Variants in CSMD1 observed in about 807,000 individuals in gnomAD.
CSMD1 encodes the protein CUB and sushi domain-containing protein 1.
Under a neutral mutation model 417.5 loss-of-function variants are expected in CSMD1, and 213 were observed. The observed-to-expected ratio is 0.51, with a 90% CI of 0.46 to 0.57. The LOEUF is 0.57. Ranked by LOEUF, CSMD1 falls within the 20% of genes least tolerant of loss-of-function variation. The pLI is 0.00. For synonymous variants in CSMD1, 2,862 were observed against 1,736.8 expected, an observed-to-expected ratio of 1.65 and a Z score of -16.11; for missense variants, 6,923 against 4,529.7, an observed-to-expected ratio of 1.53 and a Z score of -15.17.
intron 25 of CSMD1, among the ~76,000 whole-genome samples, chr8:3,286,562 T>A (rs1803175210): frequency 6.6e-6 from 1 of 152,188 alleles, no homozygotes; most frequent in Non-Finnish European, 1.5e-5. Flanking sequence ...TTGATTTGCA[T>A]TTCTCTGATG....
intron 5 of CSMD1, among the ~76,000 whole-genome samples, chr8:3,763,471 G>A (rs879574796): frequency 2.0e-5 from 3 of 151,950 alleles, no homozygotes. Flanking sequence ...CCTCTCCTTT[G>A]CTCCCCTTCT....
intron 3 of CSMD1, among the ~76,000 whole-genome samples, chr8:4,231,476 G>T (rs1337716225): frequency 6.6e-6 from 1 of 152,132 alleles, no homozygotes; most frequent in African/African-American, 2.4e-5. Context: ...CTCTCTCAGG[G>T]CCAGCTCTCT....
At chr8:4,291,581 C>A (rs138917215) in intron 3 of CSMD1, among the ~76,000 whole-genome samples, 7 of 151,984 alleles carry the variant, frequency 4.6e-5, no homozygotes, top group Non-Finnish European at 2.9e-5. Flanking sequence ...AAAGCTGAAG[C>A]GTAATATTTA....
chr8:4,909,940 G>A (rs1805552504), intron 1 of CSMD1, among the ~76,000 whole-genome samples: 1 of 152,118 alleles, frequency 6.6e-6, no homozygotes, highest in African/African-American at 2.4e-5. Flanking sequence ...ACGACTAGCT[G>A]AAACTGAAGT....
At chr8:4,754,842 T>TA (rs1415118950) in intron 1 of CSMD1, among the ~76,000 whole-genome samples, 2 of 151,176 alleles carry the variant, frequency 1.3e-5, no homozygotes, top group African/African-American at 4.9e-5. Flanking sequence ...GAGCAAGACT[T>TA]AAAAAAACAA....
intron 1 of CSMD1, among the ~76,000 whole-genome samples, chr8:4,834,233 G>T (rs984226930): frequency 6.6e-6 from 1 of 152,160 alleles, no homozygotes; most frequent in Non-Finnish European, 1.5e-5. Context: ...TAAGGAGAGG[G>T]AAGAAAAATA....
intron 1 of CSMD1, among the ~76,000 whole-genome samples, chr8:4,701,975 G>A (rs1201213262): frequency 6.6e-6 from 1 of 152,168 alleles, no homozygotes; most frequent in Non-Finnish European, 1.5e-5. Flanking sequence ...GGATGGAGCT[G>A]GAAGCCATTA....
intron 2 of CSMD1, among the ~76,000 whole-genome samples, chr8:4,604,636 G>A (rs1360636590): frequency 6.6e-6 from 1 of 152,080 alleles, no homozygotes; most frequent in South Asian, 2.1e-4. Context: ...CTCTGCAAAT[G>A]AAATGGAATC....
chr8:3,157,935 G>C lies in CSMD1; in HGVS notation c.5876C>G (p.Thr1959Ser), dbSNP rs1177709184. Residue 1959 changes from threonine (T) to serine (S), a missense_variant, in exon 39 of 70, where the codon ACC (threonine) becomes AGC (serine). Thr to Ser is a moderately conservative substitution (Grantham distance 58). Coordinates refer to ENST00000635120, the MANE Select transcript of CSMD1 (RefSeq NM_033225.6). ...AGACGGATAGTTCCAACGGCGAACG[G>C]TCCCTGGCATACAGGAAATGTGGGA... is the stretch of plus-strand genomic sequence containing the variant. ...GRSHISCMPG[T>S]VRRWNYPSPL... The C allele has an allele frequency of 6.4e-6, 10 of 1,554,806 alleles. No homozygotes were observed. The East Asian group carries it at 1.9e-4, about 30-fold the overall frequency.
chr8:3,386,021 C>T (rs188665600), intron 18 of CSMD1, among the ~76,000 whole-genome samples: 312 of 152,250 alleles, frequency 2.0e-3, no homozygotes, highest in Non-Finnish European at 3.6e-3. Flanking sequence ...GTCTTTCCTG[C>T]TGCAATAGTA....
chr8:3,537,224 C>A (rs6988699), intron 10 of CSMD1, among the ~76,000 whole-genome samples: 13 of 152,102 alleles, frequency 8.5e-5, no homozygotes, highest in Admixed American at 6.5e-5. Flanking sequence ...TAGTCAGTCT[C>A]GATCTCCTGA....
rs1819948247 is a variant in CSMD1 at position 3,162,287 on chromosome 8, C to T, written c.5726-10G>A. 6.5e-7 allele frequency: 1 copy of T among 1,538,028 alleles called. No individual in the cohort carries two copies. Among genetic ancestry groups the T allele is most frequent in the Non-Finnish European group, 8.9e-7 (1 of 1,118,452 alleles). On this transcript the variant is annotated splice_polypyrimidine_tract_variant and intron_variant, in intron 37 of 69. Coordinates refer to ENST00000635120, the MANE Select transcript of CSMD1 (RefSeq NM_033225.6). ...GCAGCAAGACCTACAGCTAGAAATG[C>T]AAAGACAAATGCTAGAAATTATATG...
chr8:4,029,476 T>A (rs1797230957), intron 4 of CSMD1, among the ~76,000 whole-genome samples: 1 of 152,106 alleles, frequency 6.6e-6, no homozygotes. Flanking sequence ...GAAACACCCA[T>A]TTTTAAAACC....
At chr8:3,152,034 A>G (rs1819228077) in intron 39 of CSMD1, among the ~76,000 whole-genome samples, 1 of 152,232 alleles carries the variant, frequency 6.6e-6, no homozygotes, top group Admixed American at 6.5e-5. Context: ...GGTAAACAGT[A>G]CAACCAGAAG....
intron 1 of CSMD1, among the ~76,000 whole-genome samples, chr8:4,833,723 A>T (rs1467358493): frequency 6.6e-6 from 1 of 152,160 alleles, no homozygotes; most frequent in African/African-American, 2.4e-5. Context: ...GACTCTTCAA[A>T]CCTATTTAAA....
chr8:3,761,971 G>C (rs187667363), intron 5 of CSMD1, among the ~76,000 whole-genome samples: 1 of 152,198 alleles, frequency 6.6e-6, no homozygotes, highest in Admixed American at 6.5e-5. Context: ...GTGGCCATAA[G>C]CATCCCTCTT....
At chr8:3,790,335 G>T (rs938613173) in intron 5 of CSMD1, among the ~76,000 whole-genome samples, 1 of 152,038 alleles carries the variant, frequency 6.6e-6, no homozygotes, top group Non-Finnish European at 1.5e-5. Flanking sequence ...GTATAATGAT[G>T]GTGATGGTGA....
intron 49 of CSMD1, among the ~76,000 whole-genome samples, chr8:3,055,584 T>C (rs1463165093): frequency 2.0e-5 from 3 of 152,234 alleles, no homozygotes; most frequent in Non-Finnish European, 4.4e-5. Flanking sequence ...TAGGCATCCA[T>C]AGATCACTAT....
intron 3 of CSMD1, among the ~76,000 whole-genome samples, chr8:4,394,893 C>T (rs1250690813): frequency 1.3e-5 from 2 of 152,148 alleles, no homozygotes; most frequent in East Asian, 1.9e-4. Flanking sequence ...CGTCTGTTTT[C>T]ACCACAGTGT....
Sources: allele counts gnomAD v4.1 joint callset (sites outside exome capture counted in the v4.1 genomes callset), GRCh38; gene constraint gnomAD v4.1.1; transcripts MANE v1.5; gene names NCBI Gene and HGNC (gene_info 2026-07-23, HGNC 2026-07-21).